CAST: variants seen among roughly 807,000 people sequenced by gnomAD.
The protein encoded by CAST is calpastatin.
CAST carries 76 observed loss-of-function variants against 119.6 expected under a neutral mutation model. The observed-to-expected ratio is 0.64, with a 90% confidence interval of 0.53 to 0.77. CAST has a LOEUF of 0.77. Ranked by LOEUF, CAST falls within the 30% of genes least tolerant of loss-of-function variation. CAST has a pLI of 0.00. For missense variants in CAST, 953 were observed against 946.5 expected (o/e 1.01, Z -0.09); for synonymous variants, 319 against 331.6 (o/e 0.96, Z 0.41).
At chr5:96,714,395 G>A (rs1289366223) in intron 3 of CAST, among the ~76,000 whole-genome samples, 1 of 152,186 alleles carries the variant, frequency 6.6e-6, no homozygotes, top group African/African-American at 2.4e-5. Flanking sequence ...CAGAACTACA[G>A]GATTCTCAAG....
chr5:96,280,578 G>A, the CAST span, among the ~76,000 whole-genome samples: 56 of 152,298 alleles, frequency 3.7e-4, 1 homozygote, highest in African/African-American at 1.3e-3. Context: ...ATGACTTTGG[G>A]TAAGACCCAT....
chr5:96,208,165 T>C, the CAST span, among the ~76,000 whole-genome samples: 1 of 151,640 alleles, frequency 6.6e-6, no homozygotes, highest in African/African-American at 2.4e-5. Flanking sequence ...TCAGTGGTAA[T>C]GTCCCCTTTG....
chr5:96,121,455 C>T, the CAST span, among the ~76,000 whole-genome samples: 1 of 150,858 alleles, frequency 6.6e-6, no homozygotes, highest in Admixed American at 6.6e-5. Context: ...TAACTCCACC[C>T]AGTATTTGAG....
At chr5:96,501,091 C>A in the CAST span, among the ~76,000 whole-genome samples, 1 of 152,156 alleles carries the variant, frequency 6.6e-6, no homozygotes. Context: ...GCTGAGGCGT[C>A]AACCTGAAAA....
the CAST span, among the ~76,000 whole-genome samples, chr5:96,446,185 A>AAG: frequency 6.6e-6 from 1 of 151,984 alleles, no homozygotes. Context: ...TGTACAAAAA[A>AAG]AAAAAAAAAA....
At chr5:96,316,966 A>G in the CAST span, among the ~76,000 whole-genome samples, 4 of 152,188 alleles carry the variant, frequency 2.6e-5, no homozygotes, top group Non-Finnish European at 4.4e-5. Context: ...TGAACTGGGA[A>G]TGGTTGGCCT....
At chr5:96,086,072 A>G in the CAST span, among the ~76,000 whole-genome samples, 1 of 152,242 alleles carries the variant, frequency 6.6e-6, no homozygotes. Context: ...TGACCTATGT[A>G]CATTTTTGCT....
At chr5:96,083,986 G>GT in the CAST span, among the ~76,000 whole-genome samples, 1,808 of 152,228 alleles carry the variant, frequency 0.012, 41 homozygotes, top group African/African-American at 0.042. Flanking sequence ...TATTGCAGGG[G>GT]TTTTTTAAAA....
chr5:96,663,555 C>T (rs1385665769), intron 1 of CAST, among the ~76,000 whole-genome samples: 4 of 152,196 alleles, frequency 2.6e-5, no homozygotes, highest in Non-Finnish European at 5.9e-5. Context: ...CTTTTTTAAC[C>T]CCTAAGTAAA....
rs910087689 is a variant in CAST, at chr5:96,623,681, G to T, written c.61-51858G>T. Among the ~76,000 whole-genome samples, 27 of 152,160 alleles carry T rather than the reference G, an allele frequency of 1.8e-4. 1 individual carries two copies. The highest frequency in any genetic ancestry group is 3.4e-4 in the African/African-American group (14 of 41,518). ...GAAGAAAAGGGGAGACATGTTGGGG[G>T]TTTTTTATTTTAGGATTATAATAAT... On this transcript the variant is annotated intron_variant, in intron 1 of 11. Coordinates refer to the CAST transcript ENST00000505143.
chr5:96,456,177 CAAAG>C, the CAST span, among the ~76,000 whole-genome samples: 3 of 152,058 alleles, frequency 2.0e-5, no homozygotes, highest in African/African-American at 7.2e-5. Context: ...ATACTTGTGA[CAAAG>C]AAAGAAGGAG....
At chr5:96,149,116 A>G in the CAST span, among the ~76,000 whole-genome samples, 2 of 152,250 alleles carry the variant, frequency 1.3e-5, no homozygotes, top group Admixed American at 6.5e-5. Context: ...GACTTGGCGT[A>G]TGGAGTCTTC....
the CAST span, among the ~76,000 whole-genome samples, chr5:96,290,919 C>A: frequency 6.6e-6 from 1 of 152,172 alleles, no homozygotes; most frequent in Admixed American, 6.5e-5. Context: ...TGACAGTGAG[C>A]AACTTCTGAA....
intron 1 of CAST, among the ~76,000 whole-genome samples, chr5:96,531,765 CAG>C (rs904150599): frequency 2.0e-5 from 3 of 152,178 alleles, no homozygotes; most frequent in African/African-American, 7.2e-5. Context: ...TTCATGTCTG[CAG>C]AGAGATTTAA....
the CAST span, among the ~76,000 whole-genome samples, chr5:96,031,161 A>T: frequency 6.6e-6 from 1 of 151,530 alleles, no homozygotes; most frequent in Non-Finnish European, 1.5e-5. Context: ...TTTTATATGG[A>T]TAAATATTTA....
chr5:96,000,599 C>T, the CAST span, among the ~76,000 whole-genome samples: 3 of 152,068 alleles, frequency 2.0e-5, no homozygotes, highest in African/African-American at 4.8e-5. Flanking sequence ...TCCATAACTA[C>T]GGAGAATAGA....
At chr5:96,530,855 A>G (rs1745677640) in intron 1 of CAST, among the ~76,000 whole-genome samples, 1 of 152,146 alleles carries the variant, frequency 6.6e-6, no homozygotes, top group South Asian at 2.1e-4. Flanking sequence ...ACAGTGGCAC[A>G]ATCCTGGCTC....
At chr5:96,238,327 T>TCTTCTTCTTCTTCTC in the CAST span, among the ~76,000 whole-genome samples, 1 of 42,052 alleles carries the variant, frequency 2.4e-5, no homozygotes, top group Non-Finnish European at 5.7e-5. Context: ...TTCTTCTTCT[T>TCTTCTTCTTCTTCTC]CTTCTTCTTC....
At chr5:96,395,720 C>T in the CAST span, among the ~76,000 whole-genome samples, 4 of 152,024 alleles carry the variant, frequency 2.6e-5, no homozygotes, top group Non-Finnish European at 4.4e-5. Flanking sequence ...CAGCAAACCA[C>T]CATGGCATGT....
Sources: allele counts gnomAD v4.1 joint callset (sites outside exome capture counted in the v4.1 genomes callset), GRCh38; gene constraint gnomAD v4.1.1; transcripts MANE v1.5; gene names NCBI Gene and HGNC (gene_info 2026-07-23, HGNC 2026-07-21).